The following ARHGAP8 variants were observed in gnomAD, a reference collection of about 807,000 sequenced individuals.
ARHGAP8 encodes the protein rho GTPase-activating protein 8.
In ARHGAP8, 62 loss-of-function variants were observed where a neutral mutation model predicts 46.1. That is an observed-to-expected ratio of 1.34 (90% CI 1.10 to 1.66). The LOEUF (loss-of-function observed/expected upper bound fraction) is 1.66, where lower values mean the gene tolerates loss of function less well. Among genes scored for constraint, ARHGAP8 ranks in the 40% most tolerant of loss-of-function variants. The pLI is 0.00. For synonymous variants in ARHGAP8, 375 were observed against 243.1 expected, an observed-to-expected ratio of 1.54 and a Z score of -5.05; for missense variants, 923 against 568.4, an observed-to-expected ratio of 1.62 and a Z score of -6.34.
At chr22:44,833,386 T>C (rs1031221750) in intron 7 of ARHGAP8, among the ~76,000 whole-genome samples, 1 of 152,128 alleles carries the variant, frequency 6.6e-6, no homozygotes, top group Non-Finnish European at 1.5e-5. Context: ...TGTAAAGGTG[T>C]TAGGTTTTGT....
Position 44,862,282 on chromosome 22 carries a change from G to C in ARHGAP8, c.989G>C (p.Arg330Pro), listed in dbSNP as rs77740333. ...YLMGFLHAVS[R>P]ESIFNKMNSS... is the part of the protein sequence containing the mutation. Reference sequence around the variant, plus strand: ...GTGTGTGGTTTCCTCCAGGTGTCCCGGGAGAGCATCTTCAACAAAATGAAC... The same window carrying C: ...GTGTGTGGTTTCCTCCAGGTGTCCCCGGAGAGCATCTTCAACAAAATGAAC... Residue 330 changes from arginine to proline, a missense_variant, in exon 12 of 12, where the codon CGG becomes CCG. By Grantham distance (103) the Arg-to-Pro change is moderately radical (BLOSUM62 -2). Transcript: ENST00000356099. The C allele has an allele frequency of 1.3e-6, 2 of 1,591,308 alleles. No homozygotes were observed. Among genetic ancestry groups the C allele is most frequent in the Non-Finnish European group, 8.6e-7 (1 of 1,163,590 alleles).
intron 1 of ARHGAP8, among the ~76,000 whole-genome samples, chr22:44,755,318 G>A (rs1327262251): frequency 6.6e-6 from 1 of 152,256 alleles, no homozygotes; most frequent in East Asian, 1.9e-4. Context: ...GGGAGCTGGT[G>A]TCTGGTGTAA....
intron 2 of ARHGAP8, among the ~76,000 whole-genome samples, chr22:44,791,665 T>C (rs969009607): frequency 2.6e-5 from 4 of 152,000 alleles, no homozygotes; most frequent in Admixed American, 6.6e-5. Context: ...GATTGCATCA[T>C]TGCACTCCAG....
intron 11 of ARHGAP8, among the ~76,000 whole-genome samples, chr22:44,860,678 C>G (rs914846809): frequency 6.6e-6 from 1 of 152,298 alleles, no homozygotes; most frequent in East Asian, 1.9e-4. Flanking sequence ...GAGAGAAACC[C>G]TTCAGTGCTC....
intron 2 of ARHGAP8, among the ~76,000 whole-genome samples, chr22:44,791,917 A>G (rs1475730490): frequency 4.6e-5 from 7 of 152,172 alleles, no homozygotes. Flanking sequence ...AAAGCAAGAA[A>G]AATCTAAACA....
chr22:44,756,441 A>G (rs982919929), intron 1 of ARHGAP8, among the ~76,000 whole-genome samples: 11 of 152,134 alleles, frequency 7.2e-5, no homozygotes, highest in Middle Eastern at 3.2e-3. Context: ...ATTTTGTATA[A>G]GAGGGTTTAT....
chr22:44,846,329 G>T (rs960683067), intron 8 of ARHGAP8, among the ~76,000 whole-genome samples: 1 of 152,244 alleles, frequency 6.6e-6, no homozygotes, highest in African/African-American at 2.4e-5. Flanking sequence ...GGGTGGTCTT[G>T]GAAAAACCTG....
At chr22:44,795,059 A>C (rs948781987) in intron 2 of ARHGAP8, among the ~76,000 whole-genome samples, 125 of 151,538 alleles carry the variant, frequency 8.2e-4, no homozygotes, top group African/African-American at 2.8e-3. Flanking sequence ...AAAAAACAAA[A>C]AACGAAATCT....
intron 7 of ARHGAP8, among the ~76,000 whole-genome samples, chr22:44,831,200 C>T (rs542406372): frequency 2.6e-5 from 4 of 151,888 alleles, no homozygotes; most frequent in Non-Finnish European, 4.4e-5. Context: ...TTTCTTTTGT[C>T]GCTTGTGCTT....
At chr22:44,780,619 AC>A (rs1479051242) in intron 1 of ARHGAP8, among the ~76,000 whole-genome samples, 1 of 150,224 alleles carries the variant, frequency 6.7e-6, no homozygotes, top group Admixed American at 6.6e-5. Context: ...CCGAGATCGC[AC>A]CACTGCACTC....
At chr22:44,824,665 C>G (rs1930385010) in intron 6 of ARHGAP8, among the ~76,000 whole-genome samples, 1 of 143,558 alleles carries the variant, frequency 7.0e-6, no homozygotes, top group South Asian at 2.2e-4. Context: ...TGGAGTCTTG[C>G]TCTATCGCCC....
chr22:44,756,379 G>A (rs1924673727), intron 1 of ARHGAP8, among the ~76,000 whole-genome samples: 1 of 152,122 alleles, frequency 6.6e-6, no homozygotes, highest in South Asian at 2.1e-4. Flanking sequence ...CCTGCAGCTG[G>A]GACTCCCACC....
intron 7 of ARHGAP8, among the ~76,000 whole-genome samples, chr22:44,832,802 C>T (rs1260130688): frequency 6.6e-6 from 1 of 152,156 alleles, no homozygotes; most frequent in African/African-American, 2.4e-5. Context: ...ATGATAAGAG[C>T]AGACATGGTT....
chr22:44,783,859 G>T (rs2147041641), intron 1 of ARHGAP8, among the ~76,000 whole-genome samples: 1 of 152,154 alleles, frequency 6.6e-6, no homozygotes, highest in Admixed American at 6.5e-5. Flanking sequence ...TCCAGCCGCA[G>T]AGCCTGTCCC....
chr22:44,858,956 A>C (rs1226716326), intron 10 of ARHGAP8, among the ~76,000 whole-genome samples: 4 of 151,772 alleles, frequency 2.6e-5, no homozygotes, highest in Admixed American at 1.3e-4. Flanking sequence ...CTCTGCCCTG[A>C]TGAGGCAAAA....
intron 10 of ARHGAP8, among the ~76,000 whole-genome samples, chr22:44,853,864 C>T (rs764345351): frequency 2.0e-5 from 3 of 151,556 alleles, no homozygotes; most frequent in African/African-American, 2.4e-5. Context: ...CCCATCTCTA[C>T]TAAAAATACA....
intron 1 of ARHGAP8, chr22:44,777,242 C>G (rs1327863142): frequency 1.3e-5 from 2 of 152,136 alleles, no homozygotes; most frequent in Non-Finnish European, 2.9e-5. Flanking sequence ...ATGTGCCTGT[C>G]TCACGCTAGG....
intron 10 of ARHGAP8, among the ~76,000 whole-genome samples, chr22:44,851,747 G>C (rs2070099313): frequency 6.6e-6 from 1 of 151,954 alleles, no homozygotes; most frequent in Non-Finnish European, 1.5e-5. Context: ...GGCTGAGGTG[G>C]GAGATCACCT....
intron 10 of ARHGAP8, among the ~76,000 whole-genome samples, chr22:44,856,312 C>A (rs1042685079): frequency 3.1e-5 from 4 of 127,228 alleles, no homozygotes; most frequent in Non-Finnish European, 6.3e-5. Flanking sequence ...CACTCTGTTG[C>A]CCAGGCCAGA....
Sources: allele counts gnomAD v4.1 joint callset (sites outside exome capture counted in the v4.1 genomes callset), GRCh38; gene constraint gnomAD v4.1.1; transcripts MANE v1.5; gene names NCBI Gene and HGNC (gene_info 2026-07-23, HGNC 2026-07-21).